HIP1: variants seen among roughly 807,000 people sequenced by gnomAD.
The protein encoded by HIP1 is huntingtin interacting protein 1, also known as huntingtin-interacting protein 1.
Under a neutral mutation model 147.6 loss-of-function variants are expected in HIP1, and 65 were observed. The ratio of observed to expected loss-of-function variants is 0.44; its 90% confidence interval spans 0.36 to 0.54. The LOEUF is 0.54. HIP1 is among the 20% of genes least tolerant of loss of function. The pLI is 0.00. For missense variants in HIP1, 1,061 were observed against 1,299.6 expected (o/e 0.82, Z 2.82); for synonymous variants, 479 against 504.0 (o/e 0.95, Z 0.67).
At chr7:75,651,061 A>G (rs1486645759) in intron 1 of HIP1, among the ~76,000 whole-genome samples, 6 of 152,036 alleles carry the variant, frequency 3.9e-5, no homozygotes, top group Admixed American at 3.9e-4. Context: ...GAGCCACGAC[A>G]TGAGCTCTGC....
rs938972630 is a variant in HIP1, at chr7:75,716,026, G to A, written c.120+22775C>T. ...AGAATGAGAACTCACTCATGACTGC[G>A]GGGAGGGCACCAAGCCATTCATGAG... On this transcript the variant is annotated intron_variant, in intron 1 of 30. Transcript: ENST00000336926. Among the ~76,000 whole-genome samples, 51 of 151,910 alleles carry A rather than the reference G, an allele frequency of 3.4e-4. 2 individuals carry two copies. Among genetic ancestry groups the A allele is most frequent in the African/African-American group, 9.7e-5 (4 of 41,358 alleles).
intron 1 of HIP1, among the ~76,000 whole-genome samples, chr7:75,629,860 A>T (rs2117121765): frequency 6.6e-6 from 1 of 152,232 alleles, no homozygotes; most frequent in Non-Finnish European, 1.5e-5. Context: ...TTCTTAAAGC[A>T]CAGCTCTTCC....
At chr7:75,540,526 G>T (rs371019852) in intron 29 of HIP1, among the ~76,000 whole-genome samples, 1 of 151,802 alleles carries the variant, frequency 6.6e-6, no homozygotes, top group Non-Finnish European at 1.5e-5. Flanking sequence ...GGGAGGATCC[G>T]CCTGAGCCCA....
chr7:75,606,883 G>GTGT (rs1797243991), intron 1 of HIP1, among the ~76,000 whole-genome samples: 7 of 152,082 alleles, frequency 4.6e-5, no homozygotes, highest in African/African-American at 1.7e-4. Flanking sequence ...GTATTAATCA[G>GTGT]CTCCATTCTG....
intron 4 of HIP1, among the ~76,000 whole-genome samples, chr7:75,588,361 A>G (rs187242410): frequency 2.0e-5 from 3 of 152,360 alleles, no homozygotes; most frequent in East Asian, 3.9e-4. Flanking sequence ...GACGGAGGAC[A>G]GAAACAAATC....
rs183472018 is a variant in HIP1, at chr7:75,588,589, C to A, written c.385-1756G>T. Among the ~76,000 whole-genome samples the A allele has an allele frequency of 1.6e-3, 243 of 152,124 alleles. 1 individual carries two copies. Among genetic ancestry groups the A allele is most frequent in the Non-Finnish European group, 1.0e-4 (7 of 68,014 alleles). ...CTTAAGCCCAGGAGTTCGAGACCACCCTTGGCAACATGGCGAAAACCTGCG... is the reference window on the plus strand; with the variant it reads ...CTTAAGCCCAGGAGTTCGAGACCACACTTGGCAACATGGCGAAAACCTGCG... On this transcript the variant is annotated intron_variant, in intron 4 of 30. Transcript: ENST00000336926.
intron 1 of HIP1, among the ~76,000 whole-genome samples, chr7:75,635,286 G>A (rs1254650832): frequency 6.6e-6 from 1 of 152,026 alleles, no homozygotes; most frequent in Admixed American, 6.6e-5. Context: ...ACCAGGCCTG[G>A]GAGAATTAGC....
chr7:75,575,206 A>C (rs1563214208), intron 7 of HIP1, among the ~76,000 whole-genome samples: 1 of 151,970 alleles, frequency 6.6e-6, no homozygotes. Flanking sequence ...CATGCCTGTA[A>C]TCCCAGCACT....
intron 5 of HIP1, among the ~76,000 whole-genome samples, chr7:75,585,820 C>G (rs1248467855): frequency 7.2e-5 from 11 of 151,986 alleles, no homozygotes; most frequent in African/African-American, 2.4e-4. Context: ...ACCTTCTTCT[C>G]TCTTTTTTCT....
At chr7:75,728,580 G>A (rs1407282150) in intron 1 of HIP1, among the ~76,000 whole-genome samples, 1 of 152,180 alleles carries the variant, frequency 6.6e-6, no homozygotes, top group Non-Finnish European at 1.5e-5. Flanking sequence ...GCAGAAAACA[G>A]TCTTCATCAG....
chr7:75,601,450 G>A (rs902687983), intron 1 of HIP1, among the ~76,000 whole-genome samples: 1 of 151,858 alleles, frequency 6.6e-6, no homozygotes, highest in Admixed American at 6.6e-5. Flanking sequence ...TTAGCTGGGC[G>A]TGGTGACGGG....
chr7:75,690,032 G>A (rs1490504426), intron 1 of HIP1, among the ~76,000 whole-genome samples: 1 of 152,124 alleles, frequency 6.6e-6, no homozygotes, highest in Non-Finnish European at 1.5e-5. Flanking sequence ...CACTTTGGGA[G>A]GCTGAGGCGG....
intron 2 of HIP1, among the ~76,000 whole-genome samples, chr7:75,597,395 G>C (rs1554502135): frequency 6.6e-6 from 1 of 152,178 alleles, no homozygotes; most frequent in Non-Finnish European, 1.5e-5. Context: ...CAAGAGCCCA[G>C]GTGAGGAGAA....
At chr7:75,700,625 G>A (rs1251942240) in intron 1 of HIP1, among the ~76,000 whole-genome samples, 3 of 152,036 alleles carry the variant, frequency 2.0e-5, no homozygotes, top group Admixed American at 6.6e-5. Context: ...ACACAGCCAC[G>A]GCAGAGACAA....
rs782204615 is a variant in HIP1 at position 75,568,226 on chromosome 7, C to T, written c.776G>A (p.Arg259Gln). The T allele has an allele frequency of 3.8e-5, 62 of 1,613,226 alleles. No individual in the cohort carries two copies. The highest frequency in any genetic ancestry group is 1.6e-4 in the Middle Eastern group (1 of 6,080). Reference protein sequence around the residue: ...CLPADTLQGHRDRFMEQFTKL... With the variant: ...CLPADTLQGHQDRFMEQFTKL... ...TGTAAACTGCTCCATGAAGCGGTCCCGGTGGCCTTGCAGGGTGTCAGCTGG... is the reference window on the plus strand; with the variant it reads ...TGTAAACTGCTCCATGAAGCGGTCCTGGTGGCCTTGCAGGGTGTCAGCTGG... The change falls in exon 9 of 31, where the codon CGG (arginine) becomes CAG (glutamine). Residue 259 changes from arginine to glutamine, a missense_variant. Transcript: ENST00000336926. This position sits in a 1 kb window ranked among gnomAD's most constrained non-coding sequence, Gnocchi z 4.1.
chr7:75,715,922 A>C (rs1169361884), intron 1 of HIP1, among the ~76,000 whole-genome samples: 2 of 151,700 alleles, frequency 1.3e-5, no homozygotes, highest in African/African-American at 4.9e-5. Context: ...GGGGAAGGGG[A>C]ATCAGGCGTG....
At chr7:75,599,318 C>T (rs1584860358) in intron 1 of HIP1, 71 bp from the exon 2 acceptor site, 3 of 1,202,092 alleles carry the variant, frequency 2.5e-6, no homozygotes, top group East Asian at 2.3e-5. Context: ...TGAGACCCTC[C>T]CAGATGCCCG....
chr7:75,572,053 T>C lies in HIP1; in HGVS notation c.745+1708A>G, dbSNP rs1265466393. On this transcript the variant is annotated intron_variant, in intron 8 of 30. Transcript: ENST00000336926. Reference sequence around the variant, plus strand: ...GGGGAAACCCCATCTCTACTAAAAATTCAAACAACAACAACAAAAAATTAG... The same window carrying C: ...GGGGAAACCCCATCTCTACTAAAAACTCAAACAACAACAACAAAAAATTAG... 3.3e-5 allele frequency among the ~76,000 whole-genome samples: 5 copies of C among 152,128 alleles called. No homozygotes were observed. The South Asian group carries it at 1.0e-3, about 32-fold the overall frequency.
In HIP1 at chr7:75,573,848, A is replaced by G. The variant is rs1301112868; in HGVS notation, c.658T>C (p.Cys220Arg). The G allele has an allele frequency of 1.2e-5, 20 of 1,613,876 alleles. No homozygotes were observed. Among genetic ancestry groups the G allele is most frequent in the African/African-American group, 2.7e-5 (2 of 74,910 alleles). ...ACCTGGATCAGCGGGGCGAGGCGGCACTGCCCTGCTGCCGTCACGGACACA... is the reference window on the plus strand; with the variant it reads ...ACCTGGATCAGCGGGGCGAGGCGGCGCTGCCCTGCTGCCGTCACGGACACA... ...RSVSVTAAGQ[C>R]RLAPLIQVIL... The change falls in exon 8 of 31, where the codon TGC (cysteine) becomes CGC (arginine). Residue 220 changes from cysteine to arginine, a missense_variant. Around this residue, in one of 3 missense-constraint regions of HIP1, gnomAD observed 225 missense variants for 292.9 expected, o/e 0.77. Coordinates refer to ENST00000336926, the MANE Select transcript of HIP1 (RefSeq NM_005338.7).
Sources: allele counts gnomAD v4.1 joint callset (sites outside exome capture counted in the v4.1 genomes callset), GRCh38; gene constraint gnomAD v4.1.1; regional missense constraint gnomAD v4.1.1; non-coding constraint Gnocchi (gnomAD v3.1); transcripts MANE v1.5; gene names NCBI Gene and HGNC (gene_info 2026-07-23, HGNC 2026-07-21).